IMPA2: variants seen among roughly 807,000 people sequenced by gnomAD.
IMPA2 encodes the protein inositol monophosphatase 2.
In IMPA2, 32 loss-of-function variants were observed where a neutral mutation model predicts 35.1. The observed-to-expected ratio is 0.91, with a 90% CI of 0.69 to 1.23. The LOEUF is 1.23. Among genes scored for constraint, IMPA2 ranks in the 50% most tolerant of loss-of-function variants. The pLI, the probability that IMPA2 is intolerant of heterozygous loss-of-function variation, is 0.00. For missense variants in IMPA2, 334 were observed against 387.6 expected (o/e 0.86, Z 1.16); for synonymous variants, 135 against 160.6 (o/e 0.84, Z 1.20).
At position 12,014,244 on chromosome 18, in the gene IMPA2, T is replaced by C. The variant is rs775952117; in HGVS notation, c.382-21T>C. On this transcript the variant is annotated intron_variant, in intron 4 of 7. Coordinates refer to ENST00000269159, the MANE Select transcript of IMPA2 (RefSeq NM_014214.3). ...ACGAGTGAACCATCTTTGTTTTCTG[T>C]CCTGCCTCTGCCGCCCACAGCTTGA... 4 of 1,563,412 alleles carry C rather than the reference T, an allele frequency of 2.6e-6. No homozygotes were observed. In the East Asian group the frequency reaches 9.0e-5, roughly 35 times the overall value.
Position 11,991,843 on chromosome 18 carries a change from AC to A in IMPA2, c.97-7210del, listed in dbSNP as rs1454613502. 2.8e-5 allele frequency among the ~76,000 whole-genome samples: 4 copies of A among 140,386 alleles called. No homozygotes were observed. The highest frequency in any genetic ancestry group is 1.2e-4 in the African/African-American group (4 of 33,666). The allele number at this position is 140,386 out of a possible 152,430, so 92.1% of individuals were successfully genotyped here. On this transcript the variant is annotated intron_variant, in intron 1 of 7. Coordinates refer to ENST00000269159, the MANE Select transcript of IMPA2 (RefSeq NM_014214.3). This position sits in a 1 kb window ranked among gnomAD's most constrained non-coding sequence, Gnocchi z 4.1. Reference sequence around the variant, plus strand: ...TGATGCCCTCGCAGAAACACCCAGAACAATTTTTTTTTTTTTTTGAGATGGA... The same window carrying A: ...TGATGCCCTCGCAGAAACACCCAGAAAATTTTTTTTTTTTTTTGAGATGGA...
intron 5 of IMPA2, among the ~76,000 whole-genome samples, chr18:12,016,115 A>T (rs1323068814): frequency 6.6e-6 from 1 of 152,214 alleles, no homozygotes; most frequent in Non-Finnish European, 1.5e-5. Flanking sequence ...ATTCTGATGG[A>T]TAAAATGCAT....
chr18:11,997,525 T>A (rs1389488231), intron 1 of IMPA2, among the ~76,000 whole-genome samples: 2 of 152,162 alleles, frequency 1.3e-5, no homozygotes, highest in Non-Finnish European at 2.9e-5. Context: ...CTGCCTTGGC[T>A]CAGTACAGCG....
At chr18:12,006,838 A>G (rs925361501) in intron 2 of IMPA2, among the ~76,000 whole-genome samples, 15 of 152,262 alleles carry the variant, frequency 9.9e-5, no homozygotes, top group Admixed American at 9.2e-4. Flanking sequence ...CGTGCATAGA[A>G]AAGTGACATC....
At chr18:12,023,014 C>T (rs1188846399) in intron 5 of IMPA2, among the ~76,000 whole-genome samples, 3 of 134,866 alleles carry the variant, frequency 2.2e-5, no homozygotes, top group Non-Finnish European at 4.6e-5. Context: ...AGGCTGGTCT[C>T]GAACTCCTGG....
intron 1 of IMPA2, chr18:11,994,499 T>TC (rs1423726218): frequency 6.6e-6 from 1 of 152,268 alleles, no homozygotes; most frequent in Non-Finnish European, 1.5e-5. Context: ...TGCAGCATTC[T>TC]CCAAGCTGCC....
intron 5 of IMPA2, among the ~76,000 whole-genome samples, chr18:12,027,152 T>G (rs987988052): frequency 1.3e-5 from 2 of 152,214 alleles, no homozygotes; most frequent in Non-Finnish European, 2.9e-5. Context: ...TTTGGCACTG[T>G]CCTGCCCGGG....
chr18:11,988,394 A>G (rs1300608466), intron 1 of IMPA2, among the ~76,000 whole-genome samples: 1 of 152,252 alleles, frequency 6.6e-6, no homozygotes, highest in Non-Finnish European at 1.5e-5. Flanking sequence ...AAGAATCATT[A>G]ACAACTCAGG....
intron 5 of IMPA2, among the ~76,000 whole-genome samples, chr18:12,020,487 C>T (rs1405625733): frequency 6.6e-6 from 1 of 152,200 alleles, no homozygotes; most frequent in East Asian, 1.9e-4. Flanking sequence ...GCCACTGTGA[C>T]TGGCCTCTTT....
intron 4 of IMPA2, among the ~76,000 whole-genome samples, chr18:12,013,626 CAG>C (rs1907493369): frequency 6.6e-6 from 1 of 152,228 alleles, no homozygotes; most frequent in African/African-American, 2.4e-5. Context: ...GGAAAGATCA[CAG>C]AGGCACGCGG....
At chr18:11,982,143 G>A (rs1252528676) in intron 1 of IMPA2, among the ~76,000 whole-genome samples, 2 of 152,202 alleles carry the variant, frequency 1.3e-5, no homozygotes, top group African/African-American at 4.8e-5. Context: ...CCCCAGCCGC[G>A]TGGGGATCTG....
intron 3 of IMPA2, among the ~76,000 whole-genome samples, chr18:12,011,961 T>G (rs534912744): frequency 6.9e-4 from 105 of 152,398 alleles, no homozygotes; most frequent in African/African-American, 2.4e-3. Context: ...TGCTGTTTTC[T>G]TTCAAGGTTA....
chr18:12,001,769 G>A (rs946322159), intron 2 of IMPA2, among the ~76,000 whole-genome samples: 4 of 152,134 alleles, frequency 2.6e-5, no homozygotes, highest in African/African-American at 7.2e-5. Flanking sequence ...ACCTGGGAGC[G>A]TGCCCGGGCT....
At chr18:11,990,133 AG>A (rs1906773080) in intron 1 of IMPA2, among the ~76,000 whole-genome samples, 1 of 152,150 alleles carries the variant, frequency 6.6e-6, no homozygotes, top group African/African-American at 2.4e-5. Context: ...AGCCAGTCTC[AG>A]GATCCTGTGT....
chr18:12,018,415 A>G (rs2143816138), intron 5 of IMPA2: 1 of 152,398 alleles, frequency 6.6e-6, no homozygotes, highest in South Asian at 2.1e-4. Context: ...CCTCAAAGCC[A>G]TCATTCAGTC....
chr18:11,986,184 G>C (rs2143773336), intron 1 of IMPA2, among the ~76,000 whole-genome samples: 1 of 152,346 alleles, frequency 6.6e-6, no homozygotes, highest in East Asian at 1.9e-4. Flanking sequence ...CACCCTTGCA[G>C]GTTATGCTTC....
At chr18:11,985,952 G>C (rs1373912120) in intron 1 of IMPA2, among the ~76,000 whole-genome samples, 1 of 152,212 alleles carries the variant, frequency 6.6e-6, no homozygotes, top group Non-Finnish European at 1.5e-5. Flanking sequence ...AGTCAAAACA[G>C]CTGACTTTTG....
intron 5 of IMPA2, among the ~76,000 whole-genome samples, chr18:12,022,466 T>C (rs1476569075): frequency 6.9e-6 from 1 of 144,886 alleles, no homozygotes; most frequent in Non-Finnish European, 1.5e-5. Context: ...GAGGTTGCAG[T>C]GAGCCAAGAT....
chr18:12,012,670 A>G (rs1907467746), intron 4 of IMPA2, among the ~76,000 whole-genome samples: 1 of 152,186 alleles, frequency 6.6e-6, no homozygotes, highest in African/African-American at 2.4e-5. Flanking sequence ...GTTCCCATAG[A>G]CCTTCTGAAC....
Sources: allele counts gnomAD v4.1 joint callset (sites outside exome capture counted in the v4.1 genomes callset), GRCh38; gene constraint gnomAD v4.1.1; non-coding constraint Gnocchi (gnomAD v3.1); transcripts MANE v1.5; gene names NCBI Gene and HGNC (gene_info 2026-07-23, HGNC 2026-07-21).